TNKS2: variants seen among roughly 807,000 people sequenced by gnomAD.
TNKS2 encodes the protein tankyrase 2.
In TNKS2, 72 loss-of-function variants were observed where a neutral mutation model predicts 137.6. The ratio of observed to expected loss-of-function variants is 0.52; its 90% confidence interval spans 0.43 to 0.64. TNKS2 has a LOEUF of 0.64. Among genes scored for constraint, TNKS2 ranks in the 30% least tolerant of loss-of-function variants. The pLI, the probability that TNKS2 is intolerant of heterozygous loss-of-function variation, is 0.00. For synonymous variants in TNKS2, 516 were observed against 512.1 expected (o/e 1.01, Z -0.10); for missense variants, 1,049 against 1,410.2 (o/e 0.74, Z 4.10).
chr10:91,815,955 T>C (rs1206198492), intron 2 of TNKS2, among the ~76,000 whole-genome samples: 1 of 149,272 alleles, frequency 6.7e-6, no homozygotes, highest in East Asian at 1.9e-4. Flanking sequence ...TCTCTTTTTT[T>C]TTTTTTTTTT....
intron 14 of TNKS2, among the ~76,000 whole-genome samples, chr10:91,840,948 T>TA (rs2133653449): frequency 6.6e-6 from 1 of 152,352 alleles, no homozygotes; most frequent in South Asian, 2.1e-4. Flanking sequence ...ATTAGTGTGA[T>TA]ATTGACTTTT....
chr10:91,842,667 C>G (rs912692545), intron 16 of TNKS2, among the ~76,000 whole-genome samples: 5 of 151,924 alleles, frequency 3.3e-5, no homozygotes, highest in African/African-American at 1.2e-4. Flanking sequence ...CCCAGCTATT[C>G]AGGAGGCTGA....
At chr10:91,819,817 T>C (rs1844826293) in intron 5 of TNKS2, 122 bp from the exon 6 acceptor site, 6 of 808,336 alleles carry the variant, frequency 7.4e-6, no homozygotes, top group South Asian at 2.5e-5. Flanking sequence ...TAAAACCAAA[T>C]TGATAACTAC....
chr10:91,862,149 A>G lies in TNKS2; in HGVS notation c.3432A>G (p.Gly1144=), dbSNP rs1382199572. Residue 1144 remains glycine, a synonymous_variant, in exon 26 of 27, where the codon GGA becomes GGG. Coordinates refer to ENST00000371627, the MANE Select transcript of TNKS2 (RefSeq NM_025235.4). ...LALAEYVIYR[G]EQAYPEYLIT... ...TAGCTGAATATGTTATTTACAGAGG[A>G]GAACAGGTAATGTAGTTTTATTTGT... 11 of 1,592,254 alleles carry G rather than the reference A, an allele frequency of 6.9e-6. No individual in the cohort carries two copies. The highest frequency in any genetic ancestry group is 1.7e-4 in the Middle Eastern group (1 of 6,002).
In TNKS2 at chr10:91,806,042, C is replaced by CT. The variant is rs34004456; in HGVS notation, c.200-6921dup. On this transcript the variant is annotated intron_variant, in intron 1 of 26. Transcript: ENST00000371627. ...TGGCTTCTGCAATGCCATTCTTTCT[C>CT]TTTTTTTTTTTTTTTTTTTTATATT... Among the ~76,000 whole-genome samples the CT allele has an allele frequency of 5.8e-3, 749 of 130,044 alleles. 3 individuals carry two copies. Among genetic ancestry groups the CT allele is most frequent in the Non-Finnish European group, 7.9e-3 (479 of 60,844 alleles). The allele number at this position is 130,044 out of a possible 152,430, so 85.3% of individuals were successfully genotyped here. A position where few individuals can be genotyped will look rare whatever the true frequency, so the allele number is the denominator to read the frequency against.
chr10:91,830,965 T>C lies in TNKS2; in HGVS notation c.1147T>C (p.Cys383Arg). Residue 383 changes from cysteine to arginine, a missense_variant, in exon 10 of 27, where the codon TGT (cysteine) becomes CGT (arginine). Cys to Arg is a radical substitution (Grantham distance 180). Transcript: ENST00000371627. ...TCCATATCCCAAAAGAAAGCAAATATGTGAACTGTTGCTAAGAAAAGGAGC... is the reference window on the plus strand; with the variant it reads ...TCCATATCCCAAAAGAAAGCAAATACGTGAACTGTTGCTAAGAAAAGGAGC... ...ASPYPKRKQI[C>R]ELLLRKGANI... is the part of the protein sequence containing the mutation. 2 of 1,612,012 alleles carry C rather than the reference T, an allele frequency of 1.2e-6. No homozygotes were observed. Among genetic ancestry groups the C allele is most frequent in the East Asian group, 2.2e-5 (1 of 44,788 alleles).
chr10:91,856,036 T>C (rs762720429), intron 23 of TNKS2, among the ~76,000 whole-genome samples: 5 of 152,190 alleles, frequency 3.3e-5, no homozygotes, highest in Non-Finnish European at 7.4e-5. Context: ...ATACCATCTT[T>C]ATAGTCATAC....
At chr10:91,813,229 A>G (rs1265896375) in intron 2 of TNKS2, 22 bp downstream of exon 2, 1 of 1,584,562 alleles carries the variant, frequency 6.3e-7, no homozygotes, top group Non-Finnish European at 8.7e-7. Context: ...TACTTTTCCG[A>G]CTTTTACTAA....
chr10:91,852,470 G>A (rs913675879), intron 21 of TNKS2, among the ~76,000 whole-genome samples: 2 of 152,038 alleles, frequency 1.3e-5, no homozygotes, highest in Non-Finnish European at 2.9e-5. Flanking sequence ...CGAGGCAGGA[G>A]AATGGCGTGA....
Position 91,798,688 on chromosome 10 carries a change from A to T in TNKS2, c.-3A>T. The T allele has an allele frequency of 8.1e-7, 1 of 1,228,846 alleles. No homozygotes were observed. Among genetic ancestry groups the T allele is most frequent in the Non-Finnish European group, 1.0e-6 (1 of 982,592 alleles). The allele number at this position is 1,228,846 out of a possible 1,614,324, so 76.1% of individuals were successfully genotyped here. A position where few individuals can be genotyped will look rare whatever the true frequency, so the allele number is the denominator to read the frequency against. ...GTTGCTGGCTGTGGCGGCGGCCAGGATCATGTCGGGTCGCCGCTGCGCCGG... is the reference window on the plus strand; with the variant it reads ...GTTGCTGGCTGTGGCGGCGGCCAGGTTCATGTCGGGTCGCCGCTGCGCCGG... On this transcript the variant is annotated 5_prime_UTR_variant, in exon 1 of 27. Transcript: ENST00000371627.
intron 1 of TNKS2, chr10:91,807,434 C>T (rs200040059): frequency 3.8e-5 from 62 of 1,613,542 alleles, no homozygotes; most frequent in Non-Finnish European, 4.7e-5. Context: ...TCTGGTACTG[C>T]GGCATCGTGG....
intron 25 of TNKS2, 139 bp from the exon 26 acceptor site, chr10:91,861,860 C>A (rs954055844): frequency 4.3e-6 from 3 of 691,328 alleles, no homozygotes; most frequent in Admixed American, 3.4e-5. Flanking sequence ...TTAAAAAGTT[C>A]TTTTAGGGGT....
rs553802040 is a variant in TNKS2 at position 91,824,612 on chromosome 10, A to G, written c.795+2250A>G. 2.0e-5 allele frequency among the ~76,000 whole-genome samples: 3 copies of G among 152,306 alleles called. 1 individual carries two copies. The East Asian group carries it at 5.8e-4, about 29-fold the overall frequency. On this transcript the variant is annotated intron_variant, in intron 7 of 26. Coordinates refer to ENST00000371627, the MANE Select transcript of TNKS2 (RefSeq NM_025235.4). ...ACCTCCAGTAGGGCCTGAAGTTTCT[A>G]TCTTTATCTTTATTGTGGTGCACAC...
At chr10:91,833,495 A>G (rs948776516) in intron 11 of TNKS2, among the ~76,000 whole-genome samples, 25 of 152,100 alleles carry the variant, frequency 1.6e-4, no homozygotes, top group African/African-American at 3.9e-4. Context: ...CTTTGTTACT[A>G]TTGTCTATCT....
At chr10:91,835,888 A>AT (rs1841999138) in intron 12 of TNKS2, among the ~76,000 whole-genome samples, 1 of 69,846 alleles carries the variant, frequency 1.4e-5, no homozygotes, top group Non-Finnish European at 3.1e-5. Context: ...GATTACAGGC[A>AT]TGAGCCACCA....
intron 1 of TNKS2, among the ~76,000 whole-genome samples, chr10:91,801,465 A>G (rs982400542): frequency 2.0e-5 from 3 of 147,352 alleles, no homozygotes; most frequent in Non-Finnish European, 4.5e-5. Context: ...AGATATACAC[A>G]AGACAGGAAT....
At chr10:91,846,116 T>C (rs1842362214) in intron 18 of TNKS2, among the ~76,000 whole-genome samples, 176 bp downstream of exon 18, 2 of 152,204 alleles carry the variant, frequency 1.3e-5, no homozygotes, top group Non-Finnish European at 2.9e-5. Context: ...AGTAATATAA[T>C]TATCCTTCTG....
chr10:91,800,558 A>G (rs1025063741), intron 1 of TNKS2, among the ~76,000 whole-genome samples: 5 of 152,182 alleles, frequency 3.3e-5, no homozygotes, highest in African/African-American at 9.7e-5. Flanking sequence ...CCAACGTTTC[A>G]AAGCATATTT....
In TNKS2 at chr10:91,828,342, T is replaced by C. The variant is rs569536548; in HGVS notation, c.1040T>C (p.Ile347Thr). The C allele has an allele frequency of 1.2e-6, 2 of 1,608,584 alleles. No homozygotes were observed. Among genetic ancestry groups the C allele is most frequent in the South Asian group, 1.1e-5 (1 of 89,916 alleles). Residue 347 changes from isoleucine (I) to threonine (T), a missense_variant, in exon 9 of 27, where the codon ATC becomes ACC. By Grantham distance (89) the Ile-to-Thr change is moderately conservative (BLOSUM62 -1). Transcript: ENST00000371627. ...GCACGAGAAGCTGATGTTACTCGAATCAAAAAACATCTCTCTCTGGAAATG... is the reference window on the plus strand; with the variant it reads ...GCACGAGAAGCTGATGTTACTCGAACCAAAAAACATCTCTCTCTGGAAATG... ...QAAREADVTR[I>T]KKHLSLEMVN...
Sources: allele counts gnomAD v4.1 joint callset (sites outside exome capture counted in the v4.1 genomes callset), GRCh38; gene constraint gnomAD v4.1.1; transcripts MANE v1.5; gene names NCBI Gene and HGNC (gene_info 2026-07-23, HGNC 2026-07-21).